The following CMIP variants were observed in gnomAD, a reference collection of about 807,000 sequenced individuals.
CMIP encodes c-Maf inducing protein.
A neutral mutation model predicts 97.3 loss-of-function variants in CMIP; 13 were observed. That is an observed-to-expected ratio of 0.13 (90% CI 0.09 to 0.21). The LOEUF (loss-of-function observed/expected upper bound fraction) is 0.21. Among genes scored for constraint, CMIP ranks in the 10% least tolerant of loss-of-function variants. The pLI, the probability that CMIP is intolerant of heterozygous loss-of-function variation, is 1.00. For synonymous variants in CMIP, 538 were observed against 436.3 expected (o/e 1.23, Z -2.91); for missense variants, 847 against 1,024.9 (o/e 0.83, Z 2.37).
chr16:81,611,811 C>T (rs774956568), intron 2 of CMIP, among the ~76,000 whole-genome samples: 1 of 152,200 alleles, frequency 6.6e-6, no homozygotes, highest in South Asian at 2.1e-4. Flanking sequence ...TTGCAGACCT[C>T]GGGGAGCTGA....
At chr16:81,611,689 C>G (rs760165398) in intron 2 of CMIP, among the ~76,000 whole-genome samples, 2 of 152,170 alleles carry the variant, frequency 1.3e-5, no homozygotes, top group Admixed American at 6.5e-5. Flanking sequence ...GCCTGTCCCC[C>G]AGTCCTCTCT....
intron 2 of CMIP, chr16:81,618,551 A>G (rs895632427): frequency 3.3e-5 from 5 of 152,256 alleles, no homozygotes; most frequent in African/African-American, 1.2e-4. Flanking sequence ...GAGGAAGCAC[A>G]GGAATGGATG....
intron 1 of CMIP, among the ~76,000 whole-genome samples, chr16:81,543,781 C>G (rs976188747): frequency 6.6e-6 from 1 of 152,194 alleles, no homozygotes; most frequent in Non-Finnish European, 1.5e-5. Flanking sequence ...GGCAGTCTTT[C>G]CTTCCAAGGA....
intron 1 of CMIP, among the ~76,000 whole-genome samples, chr16:81,458,422 C>T (rs1300518965): frequency 6.6e-6 from 1 of 152,148 alleles, no homozygotes; most frequent in East Asian, 1.9e-4. Flanking sequence ...AGCAGGGCAC[C>T]CTCTCTGGGC....
At chr16:81,555,821 G>A (rs1043729929) in intron 1 of CMIP, among the ~76,000 whole-genome samples, 12 of 152,178 alleles carry the variant, frequency 7.9e-5, no homozygotes, top group Non-Finnish European at 1.0e-4. Context: ...TGCCCTGGTT[G>A]GGGGAGACTG....
intron 1 of CMIP, among the ~76,000 whole-genome samples, chr16:81,590,095 C>A (rs2091444278): frequency 6.6e-6 from 1 of 152,134 alleles, no homozygotes; most frequent in African/African-American, 2.4e-5. Context: ...GATAGACCAG[C>A]AGGACTCCTG....
chr16:81,543,366 A>G lies in CMIP; in HGVS notation c.301-64201A>G, dbSNP rs982007670. ...GGTCCCGTGAGAACATTCAGAAACA[A>G]TCATACCCACCCCTGTAGCTGGCTG... On this transcript the variant is annotated intron_variant, in intron 1 of 20. Transcript: ENST00000537098. 4.6e-5 allele frequency among the ~76,000 whole-genome samples: 7 copies of G among 152,238 alleles called. No homozygotes were observed. The East Asian group carries it at 1.4e-3, about 29-fold the overall frequency.
intron 3 of CMIP, among the ~76,000 whole-genome samples, chr16:81,635,589 G>C (rs999173761): frequency 6.6e-6 from 1 of 152,192 alleles, no homozygotes; most frequent in East Asian, 1.9e-4. Flanking sequence ...TCTGTATCGT[G>C]TTGGTGCAAA....
intron 1 of CMIP, among the ~76,000 whole-genome samples, chr16:81,517,261 G>A (rs2089935040): frequency 9.7e-6 from 1 of 102,598 alleles, no homozygotes. Flanking sequence ...AAACCAGACG[G>A]CCTCCAAGGT....
At position 81,678,532 on chromosome 16, in the gene CMIP, G is replaced by A. The variant is rs748834729; in HGVS notation, c.1292G>A (p.Cys431Tyr). Reference sequence around the variant, plus strand: ...GACAGCGAGCCCAACCTCATCGACTGCCTCATGGTCAGCCCCGCCTGCAGC... The same window carrying A: ...GACAGCGAGCCCAACCTCATCGACTACCTCATGGTCAGCCCCGCCTGCAGC... ...GNDSEPNLID[C>Y]LMVSPACSTM... The change falls in exon 10 of 21, where the codon TGC becomes TAC. Residue 431 changes from cysteine to tyrosine, a missense_variant. This residue lies in a region of CMIP where 202 missense variants were observed against 168.7 expected (regional missense o/e 1.20). Transcript: ENST00000537098. 3.1e-6 allele frequency: 5 copies of A among 1,606,288 alleles called. No homozygotes were observed. The highest frequency in any genetic ancestry group is 4.5e-5 in the East Asian group (2 of 44,628).
rs368330614 is a variant in CMIP at position 81,709,806 on chromosome 16, C to T, written c.*7C>T. The T allele has an allele frequency of 1.1e-4, 179 of 1,613,638 alleles. No individual in the cohort carries two copies. The highest frequency in any genetic ancestry group is 1.4e-4 in the Non-Finnish European group (164 of 1,179,790). On this transcript the variant is annotated 3_prime_UTR_variant, in exon 21 of 21. Transcript: ENST00000537098. ...CTACACCGAAGCCTGGTGAAGCTCC[C>T]AGCTCAAGGCAGGAAGACGTTTGCA...
intron 1 of CMIP, among the ~76,000 whole-genome samples, chr16:81,524,834 C>T (rs1359931192): frequency 2.0e-5 from 3 of 151,242 alleles, no homozygotes; most frequent in African/African-American, 7.3e-5. Context: ...CATTCCTCTG[C>T]CCAGGCTGGA....
Position 81,565,165 on chromosome 16 carries a change from AG to A in CMIP, c.301-42399del, listed in dbSNP as rs557251464. ...ATTACAGAAAGCCCTCCTTCGGCCA[AG>A]GGATGCCCCAGCCCCAAAGACAGGG... is the stretch of plus-strand genomic sequence containing the variant. On this transcript the variant is annotated intron_variant, in intron 1 of 20. Coordinates refer to ENST00000537098, the MANE Select transcript of CMIP (RefSeq NM_198390.3). Among the ~76,000 whole-genome samples, 253 of 152,256 alleles carry A rather than the reference AG, an allele frequency of 1.7e-3. 2 individuals are homozygous for A. Among genetic ancestry groups the A allele is most frequent in the African/African-American group, 5.8e-3 (243 of 41,542 alleles).
At chr16:81,598,187 A>T (rs1224176058) in intron 1 of CMIP, among the ~76,000 whole-genome samples, 2 of 152,116 alleles carry the variant, frequency 1.3e-5, no homozygotes, top group Admixed American at 1.3e-4. Context: ...GGTATCGCCT[A>T]CAACAGAGCT....
Position 81,482,119 on chromosome 16 carries a change from T to A in CMIP, c.300+36578T>A, listed in dbSNP as rs145551412. ...GTTTCGAACTACTGACCGCAAGTGA[T>A]CCACCCTCCTTGGCCTCCCAAAGTG... On this transcript the variant is annotated intron_variant, in intron 1 of 20. Coordinates refer to ENST00000537098, the MANE Select transcript of CMIP (RefSeq NM_198390.3). Among the ~76,000 whole-genome samples the A allele has an allele frequency of 3.6e-3, 542 of 152,256 alleles. 4 individuals are homozygous for A. The highest frequency in any genetic ancestry group is 0.033 in the East Asian group (172 of 5,184).
intron 9 of CMIP, 61 bp downstream of exon 9, chr16:81,672,131 A>G (rs185439130): frequency 1.1e-4 from 104 of 983,196 alleles, no homozygotes; most frequent in Middle Eastern, 6.2e-4. Flanking sequence ...CACCCCCATC[A>G]TGGGCAAAGT....
rs1055362295 is a variant in CMIP at position 81,691,764 on chromosome 16, T to C, written c.1389-11T>C. Reference sequence around the variant, plus strand: ...CCAACCAAAGCTGACTGTCACCCTCTCTCATTCTAGGTCAGACTATGATGA... The same window carrying C: ...CCAACCAAAGCTGACTGTCACCCTCCCTCATTCTAGGTCAGACTATGATGA... On this transcript the variant is annotated splice_polypyrimidine_tract_variant and intron_variant, in intron 10 of 20. Coordinates refer to ENST00000537098, the MANE Select transcript of CMIP (RefSeq NM_198390.3). 12 of 1,612,890 alleles carry C rather than the reference T, an allele frequency of 7.4e-6. No individual in the cohort carries two copies. The highest frequency in any genetic ancestry group is 1.0e-5 in the Non-Finnish European group (12 of 1,179,038).
Position 81,548,798 on chromosome 16 carries a change from A to G in CMIP, c.301-58769A>G, listed in dbSNP as rs1472853492. On this transcript the variant is annotated intron_variant, in intron 1 of 20. Transcript: ENST00000537098. Reference sequence around the variant, plus strand: ...GAGTTCAAGGCTGCAGTGAGCTACGATCATGCTGCTGCACTCCAGCCTGGG... The same window carrying G: ...GAGTTCAAGGCTGCAGTGAGCTACGGTCATGCTGCTGCACTCCAGCCTGGG... 2.6e-5 allele frequency among the ~76,000 whole-genome samples: 4 copies of G among 152,292 alleles called. No homozygotes were observed. The South Asian group carries it at 8.3e-4, about 32-fold the overall frequency.
intron 1 of CMIP, among the ~76,000 whole-genome samples, chr16:81,500,564 C>T (rs533312880): frequency 6.6e-6 from 1 of 150,842 alleles, no homozygotes; most frequent in South Asian, 2.1e-4. Flanking sequence ...TCTCCGCTCA[C>T]TGCAACCTCT....
Sources: gnomAD v4.1 joint callset for allele counts (sites outside exome capture counted in the v4.1 genomes callset) on GRCh38, gnomAD v4.1.1 for gene constraint, gnomAD v4.1.1 regional missense constraint, MANE v1.5 for transcripts, NCBI Gene and HGNC (gene_info 2026-07-23, HGNC 2026-07-21) for gene names.